Variants in CNTNAP2 observed in about 807,000 individuals in gnomAD.
CNTNAP2 encodes contactin associated protein 2.
Under a neutral mutation model 155.2 loss-of-function variants are expected in CNTNAP2, and 98 were observed. The observed-to-expected ratio is 0.63, with a 90% CI of 0.54 to 0.75. The LOEUF (loss-of-function observed/expected upper bound fraction) is 0.75, where lower values mean the gene tolerates loss of function less well. CNTNAP2 is among the 30% of genes least tolerant of loss of function. The probability of loss-of-function intolerance (pLI) is 0.00; values close to 1 mark genes in which losing one functional copy is unlikely to be tolerated. For synonymous variants in CNTNAP2, 651 were observed against 631.2 expected, an observed-to-expected ratio of 1.03 and a Z score of -0.47; for missense variants, 1,727 against 1,688.1, an observed-to-expected ratio of 1.02 and a Z score of -0.40.
chr7:147,888,555 G>A (rs1321311694), intron 13 of CNTNAP2, among the ~76,000 whole-genome samples: 1 of 151,824 alleles, frequency 6.6e-6, no homozygotes, highest in African/African-American at 2.4e-5. Context: ...GCTAAAAATT[G>A]ACCAGAACCA....
chr7:146,502,312 A>G (rs540231572), intron 1 of CNTNAP2, among the ~76,000 whole-genome samples: 1 of 143,698 alleles, frequency 7.0e-6, no homozygotes, highest in African/African-American at 2.6e-5. Context: ...GGTTGATTCT[A>G]TATTTTGGCT....
At chr7:146,913,334 A>T (rs1025113263) in intron 3 of CNTNAP2, among the ~76,000 whole-genome samples, 1 of 152,100 alleles carries the variant, frequency 6.6e-6, no homozygotes, top group Non-Finnish European at 1.5e-5. Context: ...CTGGAATGCC[A>T]AGCTAAGGGG....
intron 1 of CNTNAP2, among the ~76,000 whole-genome samples, chr7:146,512,108 T>C (rs1392574263): frequency 6.6e-6 from 1 of 152,026 alleles, no homozygotes; most frequent in Non-Finnish European, 1.5e-5. Flanking sequence ...TTGTATTTTG[T>C]GATGTCATTA....
intron 13 of CNTNAP2, among the ~76,000 whole-genome samples, chr7:147,881,839 A>G (rs2708241): frequency 0.57 from 86,355 of 151,578 alleles, 25,185 homozygotes; most frequent in African/African-American, 0.69. Flanking sequence ...AGGCCTGGTG[A>G]TGGGTGCCTG....
chr7:146,565,713 G>A (rs538120263), intron 1 of CNTNAP2, among the ~76,000 whole-genome samples: 1 of 152,326 alleles, frequency 6.6e-6, no homozygotes, highest in African/African-American at 2.4e-5. Flanking sequence ...TTTTAAAGTT[G>A]TTAGAAGAAG....
Position 148,416,316 on chromosome 7 carries a change from T to C in CNTNAP2, c.*700T>C, listed in dbSNP as rs1047197992. Reference sequence around the variant, plus strand: ...AGAGGCATTAAAGAACCAGGGAAGGTAGTTTGATTTTTCATTGAATTCTAC... The same window carrying C: ...AGAGGCATTAAAGAACCAGGGAAGGCAGTTTGATTTTTCATTGAATTCTAC... On this transcript the variant is annotated 3_prime_UTR_variant, in exon 24 of 24. Transcript: ENST00000361727. 2.0e-5 allele frequency: 3 copies of C among 151,776 alleles called. No homozygotes were observed. The highest frequency in any genetic ancestry group is 6.6e-5 in the Admixed American group (1 of 15,264). The allele number at this position is 151,776 out of a possible 1,614,324, so 9.4% of individuals were successfully genotyped here.
chr7:147,522,521 C>A (rs1799245490), intron 11 of CNTNAP2, among the ~76,000 whole-genome samples: 1 of 151,562 alleles, frequency 6.6e-6, no homozygotes, highest in Admixed American at 6.6e-5. Context: ...AAAGTTGTAG[C>A]AGAGCCTATA....
chr7:147,062,127 C>CAAAAAAAAAAAAAAAAA lies in CNTNAP2; in HGVS notation c.550+18100_550+18116dup, dbSNP rs869125044. On this transcript the variant is annotated intron_variant, in intron 4 of 23. Transcript: ENST00000361727. ...TGGGCGACAGAGCGAGACTCCGTCT[C>CAAAAAAAAAAAAAAAAA]AAAAAAAAAAAAAAAAAAAAAAAAA... 1.8e-4 allele frequency among the ~76,000 whole-genome samples: 8 copies of CAAAAAAAAAAAAAAAAA among 44,938 alleles called. 1 individual carries two copies. The highest frequency in any genetic ancestry group is 2.9e-4 in the Non-Finnish European group (8 of 27,202). 29.5% of individuals were successfully genotyped at this position (44,938 alleles called of 152,430 possible). A position where few individuals can be genotyped will look rare whatever the true frequency, so the allele number is the denominator to read the frequency against.
intron 1 of CNTNAP2, among the ~76,000 whole-genome samples, chr7:146,208,453 A>C (rs980987192): frequency 6.6e-6 from 1 of 152,130 alleles, no homozygotes; most frequent in African/African-American, 2.4e-5. Flanking sequence ...CCAATGACTA[A>C]TTAATGAGGA....
At chr7:148,103,924 T>A (rs571322378) in intron 15 of CNTNAP2, among the ~76,000 whole-genome samples, 1 of 152,342 alleles carries the variant, frequency 6.6e-6, no homozygotes, top group African/African-American at 2.4e-5. Flanking sequence ...GAAGTCTTTG[T>A]TATTTTTCTA....
chr7:146,560,518 A>G (rs1798264891), intron 1 of CNTNAP2, among the ~76,000 whole-genome samples: 1 of 151,960 alleles, frequency 6.6e-6, no homozygotes. Flanking sequence ...TAAGCATTTC[A>G]TACATGGCTA....
Position 148,061,957 on chromosome 7 carries a change from AG to A in CNTNAP2, c.2384-56160del, listed in dbSNP as rs1803153276. Among the ~76,000 whole-genome samples, 182 of 30,240 alleles carry A rather than the reference AG, an allele frequency of 6.0e-3. 1 individual carries two copies. Among genetic ancestry groups the A allele is most frequent in the African/African-American group, 0.023 (159 of 6,846 alleles). 19.8% of individuals were successfully genotyped at this position (30,240 alleles called of 152,430 possible). A position where few individuals can be genotyped will look rare whatever the true frequency, so the allele number is the denominator to read the frequency against. On this transcript the variant is annotated intron_variant, in intron 15 of 23. Coordinates refer to ENST00000361727, the MANE Select transcript of CNTNAP2 (RefSeq NM_014141.6). ...GATAGATAGATAGATAAACAGATAT[AG>A]ATAGATAGATAGATAGATAGATAGA...
intron 1 of CNTNAP2, among the ~76,000 whole-genome samples, chr7:146,423,239 C>G (rs1718093): frequency 0.54 from 81,471 of 151,898 alleles, 25,584 homozygotes; most frequent in African/African-American, 0.88. Flanking sequence ...ATTGAACTTT[C>G]TGTCTTTTAA....
chr7:146,355,437 G>T (rs1322618100), intron 1 of CNTNAP2, among the ~76,000 whole-genome samples: 1 of 152,124 alleles, frequency 6.6e-6, no homozygotes, highest in African/African-American at 2.4e-5. Flanking sequence ...AGTCCATAAA[G>T]TCCCCTGTGG....
intron 10 of CNTNAP2, among the ~76,000 whole-genome samples, chr7:147,477,180 A>G (rs945958550): frequency 1.3e-5 from 2 of 152,164 alleles, no homozygotes; most frequent in Non-Finnish European, 2.9e-5. Flanking sequence ...GTTTACAATT[A>G]TTCTAAATTT....
intron 1 of CNTNAP2, among the ~76,000 whole-genome samples, chr7:146,381,000 G>A (rs1795378248): frequency 6.6e-6 from 1 of 150,848 alleles, no homozygotes. Flanking sequence ...GGGTTTCACC[G>A]TGTTAGCCAG....
chr7:146,863,820 G>A (rs564156773), intron 3 of CNTNAP2, among the ~76,000 whole-genome samples: 104 of 152,164 alleles, frequency 6.8e-4, no homozygotes, highest in African/African-American at 2.3e-3. Context: ...GACAAAAAGT[G>A]TTAGTTGCTA....
At chr7:147,333,250 T>A (rs935445301) in intron 9 of CNTNAP2, among the ~76,000 whole-genome samples, 1 of 152,144 alleles carries the variant, frequency 6.6e-6, no homozygotes, top group Non-Finnish European at 1.5e-5. Context: ...ACAGAGAGAA[T>A]ACTGATAAAA....
At chr7:147,027,685 G>C (rs1417390099) in intron 3 of CNTNAP2, among the ~76,000 whole-genome samples, 1 of 152,156 alleles carries the variant, frequency 6.6e-6, no homozygotes, top group Non-Finnish European at 1.5e-5. Context: ...TGGAAGCAGG[G>C]AGAGCATTCT....
Sources: allele counts gnomAD v4.1 joint callset (sites outside exome capture counted in the v4.1 genomes callset), GRCh38; gene constraint gnomAD v4.1.1; transcripts MANE v1.5; gene names NCBI Gene and HGNC (gene_info 2026-07-23, HGNC 2026-07-21).